The following SNTB1 variants were observed in gnomAD, a reference collection of about 807,000 sequenced individuals.
SNTB1 encodes the protein beta-1-syntrophin.
A neutral mutation model predicts 48.9 loss-of-function variants in SNTB1; 36 were observed. That is an observed-to-expected ratio of 0.74 (90% CI 0.56 to 0.97). SNTB1 has a LOEUF of 0.97. Ranked by LOEUF, SNTB1 falls within the 50% of genes least tolerant of loss-of-function variation. The pLI, the probability that SNTB1 is intolerant of heterozygous loss-of-function variation, is 0.00. For synonymous variants in SNTB1, 299 were observed against 294.6 expected, an observed-to-expected ratio of 1.01 and a Z score of -0.15; for missense variants, 786 against 703.4, an observed-to-expected ratio of 1.12 and a Z score of -1.33.
intron 1 of SNTB1, among the ~76,000 whole-genome samples, chr8:120,793,800 T>C (rs1820078189): frequency 6.6e-6 from 1 of 152,052 alleles, no homozygotes; most frequent in Non-Finnish European, 1.5e-5. Context: ...ATTAAAGAAT[T>C]AATCTGAATT....
At chr8:120,755,782 A>G (rs1819309257) in intron 1 of SNTB1, among the ~76,000 whole-genome samples, 1 of 152,314 alleles carries the variant, frequency 6.6e-6, no homozygotes. Context: ...CTATGTTCCA[A>G]GTTATGTTCT....
At chr8:120,605,309 A>G (rs1019503432) in intron 3 of SNTB1, among the ~76,000 whole-genome samples, 1 of 152,162 alleles carries the variant, frequency 6.6e-6, no homozygotes. Flanking sequence ...CCCATAATTC[A>G]CAGCTTGTCT....
chr8:120,535,771 T>C lies in SNTB1; in HGVS notation c.*3106A>G, dbSNP rs928988511. Reference sequence around the variant, plus strand: ...GCACTGGAAATCAGAGGTGAATATTTATTTAATTCATATATAAATTTTACA... The same window carrying C: ...GCACTGGAAATCAGAGGTGAATATTCATTTAATTCATATATAAATTTTACA... On this transcript the variant is annotated 3_prime_UTR_variant, in exon 7 of 7. Coordinates refer to ENST00000517992, the MANE Select transcript of SNTB1 (RefSeq NM_021021.4). 5 of 152,242 alleles carry C rather than the reference T, an allele frequency of 3.3e-5. No homozygotes were observed. The highest frequency in any genetic ancestry group is 1.3e-4 in the Admixed American group (2 of 15,296). 9.4% of individuals were successfully genotyped at this position (152,242 alleles called of 1,614,324 possible).
chr8:120,688,185 T>C (rs529242565), intron 2 of SNTB1, among the ~76,000 whole-genome samples: 16 of 152,238 alleles, frequency 1.1e-4, no homozygotes, highest in Non-Finnish European at 1.6e-4. Flanking sequence ...CAGTGGACTC[T>C]GTTACGTAGC....
intron 3 of SNTB1, among the ~76,000 whole-genome samples, chr8:120,613,655 C>A (rs908618888): frequency 1.3e-5 from 2 of 152,126 alleles, no homozygotes. Context: ...GACATTTATA[C>A]AGGAAAAAGT....
At chr8:120,684,789 G>A (rs527752840) in intron 2 of SNTB1, among the ~76,000 whole-genome samples, 10 of 151,918 alleles carry the variant, frequency 6.6e-5, no homozygotes, top group African/African-American at 2.4e-4. Flanking sequence ...CGAGTAGCTG[G>A]GATTACAGGC....
At chr8:120,619,828 C>A (rs1816765919) in intron 3 of SNTB1, among the ~76,000 whole-genome samples, 1 of 152,256 alleles carries the variant, frequency 6.6e-6, no homozygotes, top group Non-Finnish European at 1.5e-5. Flanking sequence ...GGCATGTCAG[C>A]ATGGCTCTGC....
intron 2 of SNTB1, among the ~76,000 whole-genome samples, chr8:120,641,018 G>T (rs1295224659): frequency 1.3e-5 from 2 of 151,932 alleles, no homozygotes; most frequent in African/African-American, 4.8e-5. Flanking sequence ...ACTTTTTTTG[G>T]TTGGTAGGCC....
intron 1 of SNTB1, among the ~76,000 whole-genome samples, chr8:120,794,146 C>G (rs1820083355): frequency 1.3e-5 from 2 of 151,954 alleles, no homozygotes; most frequent in African/African-American, 4.8e-5. Flanking sequence ...AGAAGGTAAG[C>G]TTCAATACCA....
intron 3 of SNTB1, among the ~76,000 whole-genome samples, chr8:120,620,030 T>C (rs564933639): frequency 3.0e-4 from 45 of 152,232 alleles, no homozygotes; most frequent in Non-Finnish European, 4.9e-4. Flanking sequence ...AATATTTCAG[T>C]AAAAAAAGTC....
rs200430882 is a variant in SNTB1, at chr8:120,694,530, AT to A, written c.572-623del. 5.9e-3 allele frequency among the ~76,000 whole-genome samples: 890 copies of A among 151,620 alleles called. 5 individuals carry two copies. Among genetic ancestry groups the A allele is most frequent in the Admixed American group, 0.014 (216 of 15,208 alleles). On this transcript the variant is annotated intron_variant, in intron 1 of 6. Transcript: ENST00000517992. ...GTAAGACATTTATATCATTTAAAAAATGATATATATATCATTAATTCTTAAT... is the reference window on the plus strand; with the variant it reads ...GTAAGACATTTATATCATTTAAAAAAGATATATATATCATTAATTCTTAAT...
intron 3 of SNTB1, among the ~76,000 whole-genome samples, chr8:120,604,372 C>A (rs1298834815): frequency 2.6e-5 from 4 of 152,084 alleles, no homozygotes; most frequent in Admixed American, 6.6e-5. Context: ...ACTCTTGCAG[C>A]CTTTCCATAT....
chr8:120,799,378 C>T (rs559428259), intron 1 of SNTB1, among the ~76,000 whole-genome samples: 2 of 152,004 alleles, frequency 1.3e-5, no homozygotes, highest in East Asian at 3.9e-4. Context: ...TGAGTCAATA[C>T]TGGTGCAAAA....
At chr8:120,561,319 CAAAA>C (rs1221884195) in intron 4 of SNTB1, among the ~76,000 whole-genome samples, 3 of 45,668 alleles carry the variant, frequency 6.6e-5, no homozygotes, top group African/African-American at 8.5e-5. Context: ...AACTCCATCT[CAAAA>C]AAAAAAAAAA....
At chr8:120,591,631 C>T (rs969502143) in intron 3 of SNTB1, among the ~76,000 whole-genome samples, 11 of 152,266 alleles carry the variant, frequency 7.2e-5, no homozygotes, top group East Asian at 1.9e-4. Context: ...TTTTTTATGG[C>T]TCAGTAAATG....
At chr8:120,582,006 G>A (rs1188736163) in intron 3 of SNTB1, among the ~76,000 whole-genome samples, 3 of 152,164 alleles carry the variant, frequency 2.0e-5, no homozygotes, top group Non-Finnish European at 2.9e-5. Flanking sequence ...TTGCACTCCA[G>A]CCTGGGCAAC....
At chr8:120,754,328 A>G (rs903642334) in intron 1 of SNTB1, among the ~76,000 whole-genome samples, 1 of 152,040 alleles carries the variant, frequency 6.6e-6, no homozygotes, top group African/African-American at 2.4e-5. Context: ...ACAAGTGTCT[A>G]CAAAAAAAAT....
At chr8:120,749,454 T>C (rs933432646) in intron 1 of SNTB1, among the ~76,000 whole-genome samples, 1 of 152,162 alleles carries the variant, frequency 6.6e-6, no homozygotes, top group Non-Finnish European at 1.5e-5. Context: ...TATTGATTTT[T>C]CCATGTCTAG....
intron 3 of SNTB1, among the ~76,000 whole-genome samples, chr8:120,579,848 G>A (rs1057470489): frequency 1.3e-5 from 2 of 151,828 alleles, no homozygotes; most frequent in African/African-American, 4.9e-5. Context: ...AAATGAATTC[G>A]TGCACATATA....
Sources: allele counts gnomAD v4.1 joint callset (sites outside exome capture counted in the v4.1 genomes callset), GRCh38; gene constraint gnomAD v4.1.1; transcripts MANE v1.5; gene names NCBI Gene and HGNC (gene_info 2026-07-23, HGNC 2026-07-21).